Variants in STON2 observed in about 807,000 individuals in gnomAD.
STON2 encodes stonin-2.
Under a neutral mutation model 65.7 loss-of-function variants are expected in STON2, and 29 were observed. The ratio of observed to expected loss-of-function variants is 0.44; its 90% CI spans 0.33 to 0.60. The LOEUF (loss-of-function observed/expected upper bound fraction) is 0.60. Ranked by LOEUF, STON2 falls within the 20% of genes least tolerant of loss-of-function variation. The pLI, the probability that STON2 is intolerant of heterozygous loss-of-function variation, is 0.03. For synonymous variants in STON2, 404 were observed against 414.2 expected, an observed-to-expected ratio of 0.98 and a Z score of 0.30; for missense variants, 1,054 against 1,118.1, an observed-to-expected ratio of 0.94 and a Z score of 0.82.
At chr14:81,288,440 G>A (rs946706176) in intron 5 of STON2, among the ~76,000 whole-genome samples, 8 of 152,128 alleles carry the variant, frequency 5.3e-5, no homozygotes, top group African/African-American at 9.7e-5. Flanking sequence ...AGCTACAAAC[G>A]TGTACAGCAT....
Position 81,261,653 on chromosome 14 carries a change from G to T in STON2, c.*6761C>A. The T allele has an allele frequency of 2.3e-6, 2 of 851,350 alleles. No homozygotes were observed. The highest frequency in any genetic ancestry group is 3.2e-6 in the Non-Finnish European group (2 of 632,200). 52.7% of individuals were successfully genotyped at this position (851,350 alleles called of 1,614,324 possible). A position where few individuals can be genotyped will look rare whatever the true frequency, so the allele number is the denominator to read the frequency against. ...ATTTTCACAATATTTTATACAAAAT[G>T]ACAAATATATATATACCTCATTGAT... On this transcript the variant is annotated 3_prime_UTR_variant, in exon 8 of 8. Coordinates refer to ENST00000614646, the MANE Select transcript of STON2 (RefSeq NM_001394390.1).
Position 81,270,795 on chromosome 14 carries a change from G to A in STON2, c.2659C>T (p.His887Tyr). 1 of 1,614,136 alleles carries A rather than the reference G, an allele frequency of 6.2e-7. No individual in the cohort carries two copies. The highest frequency in any genetic ancestry group is 1.1e-5 in the South Asian group (1 of 91,080). ...DREVPSRFAN[H>Y]VNVEFSMPTT... ...GGCATGCTGAACTCGACATTCACGT[G>A]ATTGGCAAATCTGGAAGGCACTTCC... Residue 887 changes from histidine to tyrosine, a missense_variant, in exon 7 of 8, where the codon CAC (histidine) becomes TAC (tyrosine). His to Tyr is a moderately conservative substitution (Grantham distance 83). Transcript: ENST00000614646.
chr14:81,417,977 C>T (rs990205731), intron 2 of STON2, among the ~76,000 whole-genome samples: 2 of 152,116 alleles, frequency 1.3e-5, no homozygotes, highest in African/African-American at 4.8e-5. Context: ...CATAAAGGGC[C>T]TTGAGTGGTC....
intron 2 of STON2, among the ~76,000 whole-genome samples, chr14:81,410,262 T>C (rs1366186802): frequency 1.9e-5 from 2 of 104,658 alleles, no homozygotes; most frequent in Non-Finnish European, 1.7e-5. Context: ...TGCATGCAGA[T>C]GAATGTAACT....
intron 4 of STON2, among the ~76,000 whole-genome samples, chr14:81,336,002 T>C (rs1462066318): frequency 6.6e-6 from 1 of 152,062 alleles, no homozygotes; most frequent in Non-Finnish European, 1.5e-5. Flanking sequence ...TGGTAGGGGC[T>C]ACTCAGGACT....
At chr14:81,344,369 A>T (rs1897733489) in intron 4 of STON2, among the ~76,000 whole-genome samples, 1 of 152,196 alleles carries the variant, frequency 6.6e-6, no homozygotes, top group African/African-American at 2.4e-5. Context: ...TTTTTCCTAG[A>T]TATTTAGAAA....
Position 81,278,538 on chromosome 14 carries a change from CT to C in STON2, c.943del (p.Ser315ValfsTer4). 6.2e-7 allele frequency: 1 copy of C among 1,613,330 alleles called. No individual in the cohort carries two copies. The highest frequency in any genetic ancestry group is 8.5e-7 in the Non-Finnish European group (1 of 1,179,574). ...AGGTACATCTGGGATCACAGATGCACTTGGTGGTGTATTTGGCTTCAGAGGA... is the reference window on the plus strand; with the variant it reads ...AGGTACATCTGGGATCACAGATGCACTGGTGGTGTATTTGGCTTCAGAGGA... ...TSPLKPNTPP[S>X]ASVIPDVPYN... On this transcript the variant is annotated frameshift_variant, in exon 6 of 8. Coordinates refer to ENST00000614646, the MANE Select transcript of STON2 (RefSeq NM_001394390.1). LOFTEE classifies it high-confidence loss of function.
chr14:81,314,514 C>T (rs12146981), intron 5 of STON2, among the ~76,000 whole-genome samples: 115,643 of 151,690 alleles, frequency 0.76, 44,281 homozygotes, highest in Non-Finnish European at 0.79. Context: ...ATTTTCCTGC[C>T]AGCACGCAAA....
At chr14:81,407,638 A>G (rs990664365) in intron 2 of STON2, among the ~76,000 whole-genome samples, 26 of 152,220 alleles carry the variant, frequency 1.7e-4, no homozygotes, top group African/African-American at 6.0e-4. Context: ...AACATCTTCA[A>G]CTAGATCCTG....
chr14:81,353,420 C>A lies in STON2; in HGVS notation c.571+17568G>T, dbSNP rs1898099848. Among the ~76,000 whole-genome samples the A allele has an allele frequency of 1.3e-5, 2 of 152,134 alleles. 1 individual carries two copies. Among genetic ancestry groups the A allele is most frequent in the South Asian group, 4.1e-4 (2 of 4,828 alleles). On this transcript the variant is annotated intron_variant, in intron 4 of 7. Transcript: ENST00000614646. The stretch of plus-strand genomic sequence containing the variant: ...TGGAAGGTCCCAGCTTCACCACCCC[C>A]AACAAAGAGTTCAACTAGCAACTAT...
chr14:81,368,633 G>A (rs531374045), intron 4 of STON2, among the ~76,000 whole-genome samples: 3 of 152,136 alleles, frequency 2.0e-5, no homozygotes, highest in South Asian at 2.1e-4. Flanking sequence ...AAAACTACTT[G>A]AGCCTGGGAG....
chr14:81,315,632 C>T (rs1896590454), intron 5 of STON2, among the ~76,000 whole-genome samples: 1 of 152,266 alleles, frequency 6.6e-6, no homozygotes, highest in South Asian at 2.1e-4. Context: ...AACATTAACC[C>T]TTCACTGTCC....
At chr14:81,398,787 T>C (rs73341970) in intron 1 of STON2, among the ~76,000 whole-genome samples, 2,243 of 152,330 alleles carry the variant, frequency 0.015, 53 homozygotes, top group African/African-American at 0.051. Context: ...TAAGCCTTCA[T>C]ATCACACTTG....
chr14:81,293,306 TG>T (rs1040621694), intron 5 of STON2, among the ~76,000 whole-genome samples: 2 of 151,970 alleles, frequency 1.3e-5, no homozygotes, highest in African/African-American at 4.8e-5. Context: ...CCCGAGTAGC[TG>T]GGACTGCAGG....
At chr14:81,296,098 G>GCTCC (rs1895750986) in intron 5 of STON2, among the ~76,000 whole-genome samples, 1 of 152,224 alleles carries the variant, frequency 6.6e-6, no homozygotes, top group African/African-American at 2.4e-5. Flanking sequence ...AGGCAGTGTG[G>GCTCC]AAGACAGTAA....
Position 81,264,394 on chromosome 14 carries a change from G to A in STON2, c.*4020C>T. The A allele has an allele frequency of 1.0e-6, 1 of 985,318 alleles. No individual in the cohort carries two copies. 61.0% of individuals were successfully genotyped at this position (985,318 alleles called of 1,614,324 possible). A position where few individuals can be genotyped will look rare whatever the true frequency, so the allele number is the denominator to read the frequency against. ...AGGGTTAAGTAGCCTTCGAGTCTCA[G>A]GGTCAGTATTCTTTCAGCAAACATT... On this transcript the variant is annotated 3_prime_UTR_variant, in exon 8 of 8. Transcript: ENST00000614646.
chr14:81,411,149 T>C (rs546064735), intron 2 of STON2, among the ~76,000 whole-genome samples: 1 of 152,352 alleles, frequency 6.6e-6, no homozygotes, highest in South Asian at 2.1e-4. Context: ...ATGTTCCCTT[T>C]CAACATCAGG....
intron 4 of STON2, among the ~76,000 whole-genome samples, chr14:81,355,682 CATAA>C (rs1317416468): frequency 6.6e-6 from 1 of 152,170 alleles, no homozygotes; most frequent in Non-Finnish European, 1.5e-5. Context: ...GCTATTAAAT[CATAA>C]ATAACGTAAA....
At chr14:81,336,086 C>T (rs1897360532) in intron 4 of STON2, among the ~76,000 whole-genome samples, 1 of 152,054 alleles carries the variant, frequency 6.6e-6, no homozygotes, top group Non-Finnish European at 1.5e-5. Flanking sequence ...GAAAAAACTG[C>T]CCTTGAGGTT....
Sources: gnomAD v4.1 joint callset for allele counts (sites outside exome capture counted in the v4.1 genomes callset) on GRCh38, gnomAD v4.1.1 for gene constraint, MANE v1.5 for transcripts, NCBI Gene and HGNC (gene_info 2026-07-23, HGNC 2026-07-21) for gene names.